Variants in OR52A1 observed in about 807,000 individuals in gnomAD.
OR52A1 encodes olfactory receptor family 52 subfamily A member 1.
Under a neutral mutation model 14.3 loss-of-function variants are expected in OR52A1, and 14 were observed. That is an observed-to-expected ratio of 0.98 (90% CI 0.65 to 1.54). The LOEUF (loss-of-function observed/expected upper bound fraction) is 1.54. Ranked by LOEUF, OR52A1 falls within the 40% of genes most tolerant of loss-of-function variation. The probability of loss-of-function intolerance (pLI) is 0.00; values close to 1 mark genes in which losing one functional copy is unlikely to be tolerated. For synonymous variants in OR52A1, 151 were observed against 135.3 expected (o/e 1.12, Z -0.80); for missense variants, 405 against 381.3 (o/e 1.06, Z -0.52).
At position 5,149,239 on chromosome 11, in the gene OR52A1, G is replaced by T. The variant is rs1028905940; in HGVS notation, c.*2192C>A. On this transcript the variant is annotated 3_prime_UTR_variant, in exon 2 of 2. Transcript: ENST00000380367. ...ACAGTAATTAAACAATATGAACTCT[G>T]GACTACATATTTTATGAGATATTAA... 2 of 151,994 alleles carry T rather than the reference G, an allele frequency of 1.3e-5. No homozygotes were observed. The highest frequency in any genetic ancestry group is 2.4e-5 in the African/African-American group (1 of 41,378). The allele number at this position is 151,994 out of a possible 1,614,324, so 9.4% of individuals were successfully genotyped here. A position where few individuals can be genotyped will look rare whatever the true frequency, so the allele number is the denominator to read the frequency against.
chr11:5,148,545 T>C lies in OR52A1; in HGVS notation c.*2886A>G, dbSNP rs1294621015. On this transcript the variant is annotated 3_prime_UTR_variant, in exon 2 of 2. Transcript: ENST00000380367. ...CCGGCCTGAAAGCATTTTTTTTTTTTCACCAAGCGTTCTGCTCCTAATAGG... is the reference window on the plus strand; with the variant it reads ...CCGGCCTGAAAGCATTTTTTTTTTTCCACCAAGCGTTCTGCTCCTAATAGG... 1.3e-5 allele frequency: 2 copies of C among 152,180 alleles called. No individual in the cohort carries two copies. The highest frequency in any genetic ancestry group is 3.9e-4 in the East Asian group (2 of 5,188). The allele number at this position is 152,180 out of a possible 1,614,324, so 9.4% of individuals were successfully genotyped here.
rs898666148 is a variant in OR52A1, at chr11:5,152,416, G to A, written c.-47C>T. On this transcript the variant is annotated 5_prime_UTR_variant, in exon 2 of 2. Coordinates refer to ENST00000380367, the MANE Select transcript of OR52A1 (RefSeq NM_012375.3). ...GCAAACAAAAGAAGTTTCTCAGTCA[G>A]TGTTACTGTTCCTCTTCTGCTTTCT... is the stretch of plus-strand genomic sequence containing the variant. 7.4e-7 allele frequency: 1 copy of A among 1,342,358 alleles called. No homozygotes were observed. The highest frequency in any genetic ancestry group is 1.0e-6 in the Non-Finnish European group (1 of 969,330). The allele number at this position is 1,342,358 out of a possible 1,614,324, so 83.2% of individuals were successfully genotyped here.
intron 1 of OR52A1, among the ~76,000 whole-genome samples, chr11:5,153,681 A>C (rs1043074583): frequency 1.3e-5 from 2 of 152,302 alleles, no homozygotes; most frequent in Admixed American, 1.3e-4. Context: ...AGTGAAAAGT[A>C]AAGTTACTTC....
Position 5,151,962 on chromosome 11 carries a change from G to A in OR52A1, c.408C>T (p.Asn136=). The change falls in exon 2 of 2, where the codon AAC becomes AAT. Residue 136 remains asparagine, a synonymous_variant. Transcript: ENST00000380367. The part of the protein sequence containing the change: ...VAICYPLRHA[N]IFTHQLVIQI... ...GAATGACAAGCTGGTGGGTGAAGATGTTGGCATGTCTTAGTGGATAACAGA... is the reference window on the plus strand; with the variant it reads ...GAATGACAAGCTGGTGGGTGAAGATATTGGCATGTCTTAGTGGATAACAGA... 6 of 1,614,084 alleles carry A rather than the reference G, an allele frequency of 3.7e-6. No homozygotes were observed. Among genetic ancestry groups the A allele is most frequent in the Non-Finnish European group, 5.1e-6 (6 of 1,180,004 alleles).
chr11:5,152,086 T>C lies in OR52A1; in HGVS notation c.284A>G (p.Tyr95Cys), dbSNP rs1386953321. ...CATTTGAAGCAAGCAGGAATCAAAATAGATTTCAGGCACATTAAACCAGAA... is the reference window on the plus strand; with the variant it reads ...CATTTGAAGCAAGCAGGAATCAAAACAGATTTCAGGCACATTAAACCAGAA... ...GIFWFNVPEI[Y>C]FDSCLLQMWF... The change falls in exon 2 of 2, where the codon TAT becomes TGT. Residue 95 changes from tyrosine (Y) to cysteine (C), a missense_variant. Coordinates refer to ENST00000380367, the MANE Select transcript of OR52A1 (RefSeq NM_012375.3). 6.2e-7 allele frequency: 1 copy of C among 1,613,930 alleles called. No homozygotes were observed. Among genetic ancestry groups the C allele is most frequent in the Non-Finnish European group, 8.5e-7 (1 of 1,179,978 alleles).
intron 1 of OR52A1, among the ~76,000 whole-genome samples, chr11:5,153,644 T>A (rs560204355): frequency 6.6e-6 from 1 of 152,314 alleles, no homozygotes; most frequent in Non-Finnish European, 1.5e-5. Flanking sequence ...CATTTTAAGC[T>A]ATACATTAGA....
At chr11:5,153,170 G>C (rs1846568919) in intron 1 of OR52A1, among the ~76,000 whole-genome samples, 1 of 152,222 alleles carries the variant, frequency 6.6e-6, no homozygotes, top group Non-Finnish European at 1.5e-5. Flanking sequence ...AAGATGAGCA[G>C]CAGCAATGCC....
rs1589864131 is a variant in OR52A1 at position 5,148,286 on chromosome 11, C to G, written c.*3145G>C. The stretch of plus-strand genomic sequence containing the variant: ...TGTCACCCAGGCTGGAGTGCAGTGG[C>G]ACCATCTCGGGTCACCGCAACCTCC... On this transcript the variant is annotated 3_prime_UTR_variant, in exon 2 of 2. Transcript: ENST00000380367. 1 of 149,534 alleles carries G rather than the reference C, an allele frequency of 6.7e-6. No individual in the cohort carries two copies. Among genetic ancestry groups the G allele is most frequent in the African/African-American group, 2.5e-5 (1 of 40,372 alleles). 9.3% of individuals were successfully genotyped at this position (149,534 alleles called of 1,614,324 possible). A position where few individuals can be genotyped will look rare whatever the true frequency, so the allele number is the denominator to read the frequency against.
In OR52A1 at chr11:5,149,035, ATAT is replaced by A. The variant is rs1846513990; in HGVS notation, c.*2393_*2395del. 1 of 152,182 alleles carries A rather than the reference ATAT, an allele frequency of 6.6e-6. No individual in the cohort carries two copies. The highest frequency in any genetic ancestry group is 1.5e-5 in the Non-Finnish European group (1 of 68,030). The allele number at this position is 152,182 out of a possible 1,614,324, so 9.4% of individuals were successfully genotyped here. A position where few individuals can be genotyped will look rare whatever the true frequency, so the allele number is the denominator to read the frequency against. On this transcript the variant is annotated 3_prime_UTR_variant, in exon 2 of 2. Transcript: ENST00000380367. ...TTCTTGAAAATTATCCTTACAAAAA[ATAT>A]TATTATCTTTCAAGCAATTTTATGT...
intron 1 of OR52A1, among the ~76,000 whole-genome samples, chr11:5,153,819 CTTT>C (rs58039145): frequency 0.012 from 1,429 of 118,946 alleles, 9 homozygotes; most frequent in East Asian, 0.037. Context: ...GAAAAAGCAG[CTTT>C]TTTTTTTTTT....
chr11:5,151,584 G>T lies in OR52A1; in HGVS notation c.786C>A (p.Phe262Leu), dbSNP rs1419526431. Residue 262 changes from phenylalanine (F) to leucine (L), a missense_variant, in exon 2 of 2, where the codon TTC becomes TTA. Physicochemically the swap from Phe to Leu is conservative, Grantham distance 22. Coordinates refer to ENST00000380367, the MANE Select transcript of OR52A1 (RefSeq NM_012375.3). ...LQFYLLAFFS[F>L]FTHRFGSHIS... ...TGTGAGACCCAAACCTATGTGTGAA[G>T]AAGGAGAAGAAGGCAAGGAGGTAGA... 2 of 1,614,054 alleles carry T rather than the reference G, an allele frequency of 1.2e-6. No homozygotes were observed. The highest frequency in any genetic ancestry group is 4.5e-5 in the East Asian group (2 of 44,878).
At chr11:5,154,350 G>A (rs1180420560) in intron 1 of OR52A1, 97 bp downstream of exon 1, 1 of 152,102 alleles carries the variant, frequency 6.6e-6, no homozygotes, top group East Asian at 1.9e-4. Context: ...GGAATCGTGA[G>A]ACTTACTCCT....
rs1220344559 is a variant in OR52A1 at position 5,147,725 on chromosome 11, T to C, written c.*3706A>G. On this transcript the variant is annotated 3_prime_UTR_variant, in exon 2 of 2. Coordinates refer to ENST00000380367, the MANE Select transcript of OR52A1 (RefSeq NM_012375.3). ...ATTGGTTTTGTACTGTGAAGAATCCTTATTAATACAAATTCTGAGCAATTT... is the reference window on the plus strand; with the variant it reads ...ATTGGTTTTGTACTGTGAAGAATCCCTATTAATACAAATTCTGAGCAATTT... The C allele has an allele frequency of 6.6e-6, 1 of 152,172 alleles. No individual in the cohort carries two copies. Among genetic ancestry groups the C allele is most frequent in the Non-Finnish European group, 1.5e-5 (1 of 68,030 alleles). The allele number at this position is 152,172 out of a possible 1,614,324, so 9.4% of individuals were successfully genotyped here. A position where few individuals can be genotyped will look rare whatever the true frequency, so the allele number is the denominator to read the frequency against.
At chr11:5,153,928 A>G (rs777553124) in intron 1 of OR52A1, among the ~76,000 whole-genome samples, 17 of 151,798 alleles carry the variant, frequency 1.1e-4, no homozygotes, top group Non-Finnish European at 2.1e-4. Context: ...CAAATGTTCA[A>G]CTGCTGCTAA....
Position 5,148,484 on chromosome 11 carries a change from C to T in OR52A1, c.*2947G>A, listed in dbSNP as rs1403381387. On this transcript the variant is annotated 3_prime_UTR_variant, in exon 2 of 2. Transcript: ENST00000380367. Reference sequence around the variant, plus strand: ...CTCATGATCCACCCACCTCCGTCTCCCAAAGTGCTGGGATTACAGGCGTGA... The same window carrying T: ...CTCATGATCCACCCACCTCCGTCTCTCAAAGTGCTGGGATTACAGGCGTGA... 3.3e-5 allele frequency: 5 copies of T among 152,348 alleles called. No individual in the cohort carries two copies. The highest frequency in any genetic ancestry group is 3.3e-4 in the Admixed American group (5 of 15,284). The allele number at this position is 152,348 out of a possible 1,614,324, so 9.4% of individuals were successfully genotyped here.
chr11:5,153,559 G>A (rs1214927463), intron 1 of OR52A1, among the ~76,000 whole-genome samples: 1 of 151,976 alleles, frequency 6.6e-6, no homozygotes, highest in Non-Finnish European at 1.5e-5. Flanking sequence ...TGAAAAACCT[G>A]GGCTCTTATG....
rs2133537004 is a variant in OR52A1 at position 5,152,419 on chromosome 11, T to C, written c.-50A>G. The C allele has an allele frequency of 7.7e-7, 1 of 1,300,172 alleles. No individual in the cohort carries two copies. The highest frequency in any genetic ancestry group is 2.2e-5 in the Admixed American group (1 of 45,116). The allele number at this position is 1,300,172 out of a possible 1,614,324, so 80.5% of individuals were successfully genotyped here. ...AACAAAAGAAGTTTCTCAGTCAGTGTTACTGTTCCTCTTCTGCTTTCTGAT... is the reference window on the plus strand; with the variant it reads ...AACAAAAGAAGTTTCTCAGTCAGTGCTACTGTTCCTCTTCTGCTTTCTGAT... On this transcript the variant is annotated 5_prime_UTR_variant, in exon 2 of 2. Coordinates refer to ENST00000380367, the MANE Select transcript of OR52A1 (RefSeq NM_012375.3).
chr11:5,151,636 A>C lies in OR52A1; in HGVS notation c.734T>G (p.Ile245Ser). The change falls in exon 2 of 2, where the codon ATT becomes AGT. Residue 245 changes from isoleucine to serine, a missense_variant. Coordinates refer to ENST00000380367, the MANE Select transcript of OR52A1 (RefSeq NM_012375.3). Reference protein sequence around the residue: ...EARFKAFNTCIAHICVFLQFY... With the variant: ...EARFKAFNTCSAHICVFLQFY... The stretch of plus-strand genomic sequence containing the variant: ...CTGGAGGAAGACACAGATGTGAGCA[A>C]TGCAGGTATTGAATGCTTTAAACCT... The C allele has an allele frequency of 6.2e-7, 1 of 1,614,184 alleles. No individual in the cohort carries two copies. The highest frequency in any genetic ancestry group is 8.5e-7 in the Non-Finnish European group (1 of 1,180,028).
At position 5,146,937 on chromosome 11, in the gene OR52A1, G is replaced by T. The variant is rs1176236252; in HGVS notation, c.*4494C>A. The T allele has an allele frequency of 1.3e-5, 2 of 151,978 alleles. No individual in the cohort carries two copies. The highest frequency in any genetic ancestry group is 2.9e-5 in the Non-Finnish European group (2 of 68,010). The allele number at this position is 151,978 out of a possible 1,614,324, so 9.4% of individuals were successfully genotyped here. On this transcript the variant is annotated 3_prime_UTR_variant, in exon 2 of 2. Coordinates refer to ENST00000380367, the MANE Select transcript of OR52A1 (RefSeq NM_012375.3). ...CTAAATCTGAAATCTTAGAATATAG[G>T]GCAGAGGTATTTATCAGAACTCTAT...
Sources: gnomAD v4.1 joint callset for allele counts (sites outside exome capture counted in the v4.1 genomes callset) on GRCh38, gnomAD v4.1.1 for gene constraint, MANE v1.5 for transcripts, NCBI Gene and HGNC (gene_info 2026-07-23, HGNC 2026-07-21) for gene names.